The following GNG2 variants were observed in gnomAD, a reference collection of about 807,000 sequenced individuals.
GNG2 encodes the protein guanine nucleotide-binding protein G(I)/G(S)/G(O) subunit gamma-2.
In GNG2, 5 loss-of-function variants were observed where a neutral mutation model predicts 5.5. That is an observed-to-expected ratio of 0.91 (90% CI 0.48 to 1.92). GNG2 has a LOEUF of 1.92. Ranked by LOEUF, GNG2 falls within the 30% of genes most tolerant of loss-of-function variation. GNG2 has a pLI of 0.01. For synonymous variants in GNG2, 28 were observed against 32.0 expected, an observed-to-expected ratio of 0.88 and a Z score of 0.42; for missense variants, 55 against 88.4, an observed-to-expected ratio of 0.62 and a Z score of 1.52.
chr14:51,871,099 G>A (rs1193559553), intron 1 of GNG2, among the ~76,000 whole-genome samples: 5 of 151,998 alleles, frequency 3.3e-5, no homozygotes, highest in African/African-American at 9.7e-5. Flanking sequence ...AATTTAAACC[G>A]AAACCCTCAC....
chr14:51,866,999 C>G (rs758008382), intron 1 of GNG2, among the ~76,000 whole-genome samples: 1 of 152,178 alleles, frequency 6.6e-6, no homozygotes, highest in Non-Finnish European at 1.5e-5. Flanking sequence ...TTCTGTCTTT[C>G]CTACATATTT....
At chr14:51,934,039 A>C (rs1887816425) in intron 2 of GNG2, among the ~76,000 whole-genome samples, 1 of 152,194 alleles carries the variant, frequency 6.6e-6, no homozygotes, top group Admixed American at 6.5e-5. Context: ...GCTCCGGAAT[A>C]GGTTTAGAGT....
chr14:51,858,572 A>T (rs149324645), upstream of GNG2, among the ~76,000 whole-genome samples: 150 of 152,348 alleles, frequency 9.8e-4, 1 homozygote, highest in East Asian at 0.026. Flanking sequence ...GACACAAAAA[A>T]TTACTGTACT....
At chr14:51,870,492 T>C (rs1039297981) in intron 1 of GNG2, among the ~76,000 whole-genome samples, 3 of 152,246 alleles carry the variant, frequency 2.0e-5, no homozygotes, top group African/African-American at 7.2e-5. Context: ...TTTTCCTGAC[T>C]GGTCATTTAA....
chr14:51,937,245 T>A (rs1027359886), intron 2 of GNG2, among the ~76,000 whole-genome samples: 1 of 152,206 alleles, frequency 6.6e-6, no homozygotes, highest in Non-Finnish European at 1.5e-5. Flanking sequence ...CAGAGATGTA[T>A]AATAGCCTTA....
chr14:51,949,512 T>C lies in GNG2; in HGVS notation c.-29-1138T>C, dbSNP rs1204893770. Among the ~76,000 whole-genome samples the C allele has an allele frequency of 4.6e-5, 7 of 152,330 alleles. No homozygotes were observed. In the East Asian group the frequency reaches 9.7e-4, roughly 21 times the overall value. On this transcript the variant is annotated intron_variant, in intron 2 of 3. Coordinates refer to ENST00000556766, the MANE Select transcript of GNG2 (RefSeq NM_053064.5). ...ACTTCATCCTTTGGTAAAAAGATTG[T>C]CCAAAGCTAGCAGAAGTCATTATTT...
intron 2 of GNG2, chr14:51,877,915 C>A: frequency 3.6e-6 from 1 of 279,138 alleles, no homozygotes; most frequent in Admixed American, 4.8e-5. Flanking sequence ...TTTGAGGCTG[C>A]TGTCTTAACA....
intron 2 of GNG2, among the ~76,000 whole-genome samples, chr14:51,854,940 C>T (rs1426155513): frequency 6.6e-6 from 1 of 152,154 alleles, no homozygotes; most frequent in African/African-American, 2.4e-5. Context: ...ATGGTTAGCC[C>T]TCCTCCAGCC....
chr14:51,866,773 G>T (rs1882923711), intron 1 of GNG2, among the ~76,000 whole-genome samples: 1 of 152,148 alleles, frequency 6.6e-6, no homozygotes, highest in Admixed American at 6.5e-5. Context: ...ACCTCCAAAG[G>T]TGGCCTCATG....
At chr14:51,849,116 A>G (rs991802399) in intron 2 of GNG2, among the ~76,000 whole-genome samples, 25 of 152,130 alleles carry the variant, frequency 1.6e-4, no homozygotes, top group Admixed American at 1.4e-3. Context: ...TCAAAATGTC[A>G]GTTGTTTGAA....
chr14:51,921,167 GT>G (rs766100956), intron 2 of GNG2, among the ~76,000 whole-genome samples: 4 of 152,194 alleles, frequency 2.6e-5, no homozygotes, highest in Non-Finnish European at 5.9e-5. Flanking sequence ...TCCCAGCTCT[GT>G]CACCTACCAG....
rs146858690 is a variant in GNG2, at chr14:51,942,916, A to C, written c.-29-7734A>C. On this transcript the variant is annotated intron_variant, in intron 2 of 3. Coordinates refer to ENST00000556766, the MANE Select transcript of GNG2 (RefSeq NM_053064.5). ...GGCTCACAACAGCTTGTTGTACCAAAGAATGTCACTCTAGCACTATCCAAC... is the reference window on the plus strand; with the variant it reads ...GGCTCACAACAGCTTGTTGTACCAACGAATGTCACTCTAGCACTATCCAAC... Among the ~76,000 whole-genome samples, 586 of 152,210 alleles carry C rather than the reference A, an allele frequency of 3.8e-3. 4 individuals are homozygous for C. The highest frequency in any genetic ancestry group is 4.8e-3 in the Non-Finnish European group (323 of 67,996).
At chr14:51,944,322 G>T (rs1163533656) in intron 2 of GNG2, among the ~76,000 whole-genome samples, 1 of 152,182 alleles carries the variant, frequency 6.6e-6, no homozygotes, top group African/African-American at 2.4e-5. Context: ...GTCCTGGTGA[G>T]GGTTCTCTTC....
intron 2 of GNG2, among the ~76,000 whole-genome samples, chr14:51,894,850 G>C (rs1885081852): frequency 6.6e-6 from 1 of 151,812 alleles, no homozygotes; most frequent in African/African-American, 2.4e-5. Context: ...GTTGCTTCTG[G>C]GAAATTAATG....
chr14:51,890,535 G>A (rs1210293733), intron 2 of GNG2, among the ~76,000 whole-genome samples: 1 of 152,194 alleles, frequency 6.6e-6, no homozygotes. Flanking sequence ...TTATGTCACA[G>A]TGTGTGTTTA....
intron 2 of GNG2, among the ~76,000 whole-genome samples, chr14:51,910,111 G>C (rs901050178): frequency 1.3e-5 from 2 of 152,204 alleles, no homozygotes; most frequent in Non-Finnish European, 2.9e-5. Context: ...TTCCTGTCTA[G>C]TGGGGAAGAT....
chr14:51,932,623 CTAAAA>C (rs898975494), intron 2 of GNG2, among the ~76,000 whole-genome samples: 4 of 151,628 alleles, frequency 2.6e-5, no homozygotes, highest in African/African-American at 9.7e-5. Flanking sequence ...GACTCTGTCT[CTAAAA>C]TAAATTAATA....
intron 2 of GNG2, among the ~76,000 whole-genome samples, chr14:51,941,836 T>G (rs1888332789): frequency 1.3e-5 from 2 of 152,222 alleles, no homozygotes; most frequent in Admixed American, 1.3e-4. Flanking sequence ...TGTTTCTTGT[T>G]GGTTGGGTGG....
At chr14:51,896,076 A>C (rs1272712201) in intron 2 of GNG2, among the ~76,000 whole-genome samples, 6 of 152,148 alleles carry the variant, frequency 3.9e-5, no homozygotes, top group Non-Finnish European at 8.8e-5. Flanking sequence ...CACTAACCCT[A>C]AATAGTCAAT....
Sources: gnomAD v4.1 joint callset for allele counts (sites outside exome capture counted in the v4.1 genomes callset) on GRCh38, gnomAD v4.1.1 for gene constraint, MANE v1.5 for transcripts, NCBI Gene and HGNC (gene_info 2026-07-23, HGNC 2026-07-21) for gene names.